Variants in STAT6 observed in about 807,000 individuals in gnomAD.
STAT6 encodes STAT, interleukin4-induced.
STAT6 carries 45 observed loss-of-function variants against 106.3 expected under a neutral mutation model. The ratio of observed to expected loss-of-function variants is 0.42; its 90% CI spans 0.33 to 0.54. STAT6 has a LOEUF of 0.54. Ranked by LOEUF, STAT6 falls within the 20% of genes least tolerant of loss-of-function variation. The probability of loss-of-function intolerance (pLI) is 0.06; values close to 1 mark genes in which losing one functional copy is unlikely to be tolerated. For synonymous variants in STAT6, 413 were observed against 413.6 expected (o/e 1.00, Z 0.02); for missense variants, 797 against 1,062.2 (o/e 0.75, Z 3.47).
At chr12:57,103,056 T>A in intron 11 of STAT6, 135 bp from the exon 12 acceptor site, 1 of 612,868 alleles carries the variant, frequency 1.6e-6, no homozygotes, top group Non-Finnish European at 2.6e-6. Flanking sequence ...AGTGCAGTAG[T>A]GCAATCTCAG....
intron 13 of STAT6, 110 bp downstream of exon 13, chr12:57,102,180 G>A (rs2033971797): frequency 5.0e-6 from 6 of 1,203,526 alleles, no homozygotes; most frequent in Admixed American, 1.9e-5. Flanking sequence ...GACCTGAGGG[G>A]GCACTGTGGA....
At chr12:57,104,202 C>T (rs974328130) in intron 11 of STAT6, 8 of 476,404 alleles carry the variant, frequency 1.7e-5, no homozygotes, top group East Asian at 7.4e-5. Flanking sequence ...TGTGCTGGCA[C>T]GCATGTGCGT....
chr12:57,099,891 G>A lies in STAT6; in HGVS notation c.1620C>T (p.Gly540=). ...TAGTAACGTACTGTTTGCTGATGAA[G>A]CCAATGATCAGCCTGGCCGGGATGA... ...RSYWSDRLII[G]FISKQYVTSL... Residue 540 remains glycine (G), a synonymous_variant, in exon 15 of 22, where the codon GGC becomes GGT. Transcript: ENST00000300134. This position sits in a 1 kb window ranked among gnomAD's most constrained non-coding sequence, Gnocchi z 4.7. 1 of 1,614,250 alleles carries A rather than the reference G, an allele frequency of 6.2e-7. No individual in the cohort carries two copies. The highest frequency in any genetic ancestry group is 8.5e-7 in the Non-Finnish European group (1 of 1,180,038).
rs755947187 is a variant in STAT6, at chr12:57,099,362, T to A, written c.1823A>T (p.Asp608Val). Residue 608 changes from aspartate to valine, a missense_variant, in exon 16 of 22, where the codon GAT becomes GTT. By Grantham distance (152) the Asp-to-Val change is radical. Coordinates refer to ENST00000300134, the MANE Select transcript of STAT6 (RefSeq NM_003153.5). This position sits in a 1 kb window ranked among gnomAD's most constrained non-coding sequence, Gnocchi z 4.7. The part of the protein sequence containing the change: ...SIRSLGDRIR[D>V]LAQLKNLYPK... ...ATAGAGATTTTTGAGCTGAGCAAGA[T>A]CCCGGATTCGGTCCCCCAGTGAGCG... 1 of 1,614,136 alleles carries A rather than the reference T, an allele frequency of 6.2e-7. No homozygotes were observed. Among genetic ancestry groups the A allele is most frequent in the Non-Finnish European group, 8.5e-7 (1 of 1,180,024 alleles).
At position 57,105,350 on chromosome 12, in the gene STAT6, G is replaced by A; in HGVS notation, c.813-11C>T. The A allele has an allele frequency of 1.9e-6, 3 of 1,613,642 alleles. No individual in the cohort carries two copies. Among genetic ancestry groups the A allele is most frequent in the South Asian group, 1.1e-5 (1 of 91,060 alleles). ...TCCACCAGGAAGCAACTGGGAGTGA[G>A]GAGGACACAAGGGGAGTTGGGGGCT... is the stretch of plus-strand genomic sequence containing the variant. On this transcript the variant is annotated splice_polypyrimidine_tract_variant and intron_variant, in intron 8 of 21. Transcript: ENST00000300134.
At position 57,106,935 on chromosome 12, in the gene STAT6, C is replaced by A. The variant is rs2034318985; in HGVS notation, c.340-104G>T. 2.6e-6 allele frequency: 4 copies of A among 1,531,688 alleles called. No individual in the cohort carries two copies. In the African/African-American group the frequency reaches 5.5e-5, roughly 21 times the overall value. The allele number at this position is 1,531,688 out of a possible 1,614,324, so 94.9% of individuals were successfully genotyped here. On this transcript the variant is annotated intron_variant, in intron 4 of 21. Coordinates refer to ENST00000300134, the MANE Select transcript of STAT6 (RefSeq NM_003153.5). Reference sequence around the variant, plus strand: ...AGATAGCGTTTTCTTGTTCCCCTCTCCCCTTTGGCAGTTCTTCCTGACCTT... The same window carrying A: ...AGATAGCGTTTTCTTGTTCCCCTCTACCCTTTGGCAGTTCTTCCTGACCTT...
Position 57,102,478 on chromosome 12 carries a change from C to T in STAT6, c.1324G>A (p.Val442Met). ...TTCTCCCAGGGCACCCGCTCAGCCA[C>T]CACAAAGGGCACGCGGTCCTGGGGA... ...FSEMDRVPFV[V>M]AERVPWEKMC... The change falls in exon 13 of 22, where the codon GTG becomes ATG. Residue 442 changes from valine to methionine, a missense_variant. Transcript: ENST00000300134. 1 of 1,613,754 alleles carries T rather than the reference C, an allele frequency of 6.2e-7. No individual in the cohort carries two copies. Among genetic ancestry groups the T allele is most frequent in the Non-Finnish European group, 8.5e-7 (1 of 1,180,014 alleles).
rs955918836 is a variant in STAT6 at position 57,100,796 on chromosome 12, A to G, written c.1513-706T>C. 9 of 417,832 alleles carry G rather than the reference A, an allele frequency of 2.2e-5. No individual in the cohort carries two copies. In the Admixed American group the frequency reaches 2.4e-4, roughly 11 times the overall value. 25.9% of individuals were successfully genotyped at this position (417,832 alleles called of 1,614,324 possible). A position where few individuals can be genotyped will look rare whatever the true frequency, so the allele number is the denominator to read the frequency against. On this transcript the variant is annotated intron_variant, in intron 13 of 21. Transcript: ENST00000300134. Reference sequence around the variant, plus strand: ...AAATAACATAATATAACATAAAATAAAAGAGCAAGAGTCAGAAATATGTGG... The same window carrying G: ...AAATAACATAATATAACATAAAATAGAAGAGCAAGAGTCAGAAATATGTGG...
At position 57,104,719 on chromosome 12, in the gene STAT6, C is replaced by T. The variant is rs761853218; in HGVS notation, c.1089+7G>A. On this transcript the variant is annotated splice_region_variant and intron_variant, in intron 10 of 21. Transcript: ENST00000300134. ...TGCCCCCCTCACTGCACCCCAAAGC[C>T]CCTCACCAGGTTCTTGAACAGGGCA... 6.2e-7 allele frequency: 1 copy of T among 1,614,102 alleles called. No homozygotes were observed. The highest frequency in any genetic ancestry group is 8.5e-7 in the Non-Finnish European group (1 of 1,180,002).
At position 57,099,158 on chromosome 12, in the gene STAT6, A is replaced by C; in HGVS notation, c.1892-80T>G. 2 of 1,600,238 alleles carry C rather than the reference A, an allele frequency of 1.2e-6. No homozygotes were observed. The highest frequency in any genetic ancestry group is 1.7e-6 in the Non-Finnish European group (2 of 1,168,818). On this transcript the variant is annotated intron_variant, in intron 16 of 21. Transcript: ENST00000300134. The surrounding 1 kb of genome is among the most constrained non-coding windows in gnomAD (Gnocchi z 4.7). Reference sequence around the variant, plus strand: ...GAGGTGGAAAAGGTGGGCATGGATCATGGGGAAGTAAGAGAAGCACAGCTA... The same window carrying C: ...GAGGTGGAAAAGGTGGGCATGGATCCTGGGGAAGTAAGAGAAGCACAGCTA...
chr12:57,106,405 GCT>G (rs1445372997), intron 6 of STAT6, 66 bp from the exon 7 acceptor site: 2 of 1,608,148 alleles, frequency 1.2e-6, no homozygotes, highest in African/African-American at 2.7e-5. Flanking sequence ...CTGGGATACG[GCT>G]CTTTTTCTCA....
At chr12:57,098,952 C>T in intron 17 of STAT6, 50 bp from the exon 18 acceptor site, 1 of 1,613,204 alleles carries the variant, frequency 6.2e-7, no homozygotes, top group South Asian at 1.1e-5. Flanking sequence ...TGATGCCACC[C>T]CTCCTTCCTG....
chr12:57,103,170 T>C (rs1339097932), intron 11 of STAT6: 4 of 314,402 alleles, frequency 1.3e-5, no homozygotes, highest in Non-Finnish European at 2.3e-5. Context: ...TAATTATTTA[T>C]TTATTTATTT....
chr12:57,106,863 A>G, intron 4 of STAT6, 32 bp from the exon 5 acceptor site: 1 of 1,611,508 alleles, frequency 6.2e-7, no homozygotes, highest in Non-Finnish European at 8.5e-7. Flanking sequence ...CAAGAAGTGA[A>G]ACACTCTGCT....
chr12:57,108,811 G>A (rs545974421), intron 1 of STAT6, among the ~76,000 whole-genome samples: 1 of 152,136 alleles, frequency 6.6e-6, no homozygotes, highest in Admixed American at 6.5e-5. Flanking sequence ...CCTGAAACTC[G>A]ACTGCTTCTA....
chr12:57,101,261 G>T (rs2033911244), intron 13 of STAT6, among the ~76,000 whole-genome samples: 1 of 151,612 alleles, frequency 6.6e-6, no homozygotes, highest in South Asian at 2.1e-4. Context: ...GGTAATTTTT[G>T]TATTTTTAGT....
chr12:57,104,837 A>T, intron 9 of STAT6, 24 bp from the exon 10 acceptor site: 2 of 1,613,646 alleles, frequency 1.2e-6, no homozygotes, highest in Non-Finnish European at 1.7e-6. Context: ...TCAGAGTGTG[A>T]ACGAGCTCAT....
At chr12:57,097,156 T>TA (rs1333784485) in intron 19 of STAT6, 23 bp from the exon 20 acceptor site, 2 of 1,500,408 alleles carry the variant, frequency 1.3e-6, no homozygotes, top group Admixed American at 2.3e-5. Context: ...AGAGCACAGT[T>TA]AGAGGAAGGC....
At position 57,099,170 on chromosome 12, in the gene STAT6, G is replaced by C. The variant is rs971178920; in HGVS notation, c.1892-92C>G. 5 of 1,596,948 alleles carry C rather than the reference G, an allele frequency of 3.1e-6. No individual in the cohort carries two copies. The highest frequency in any genetic ancestry group is 4.3e-6 in the Non-Finnish European group (5 of 1,166,150). On this transcript the variant is annotated intron_variant, in intron 16 of 21. Coordinates refer to ENST00000300134, the MANE Select transcript of STAT6 (RefSeq NM_003153.5). This position sits in a 1 kb window ranked among gnomAD's most constrained non-coding sequence, Gnocchi z 4.7. ...GTGGGCATGGATCATGGGGAAGTAA[G>C]AGAAGCACAGCTATGAAATAGGGAG... is the stretch of plus-strand genomic sequence containing the variant.
Sources: allele counts gnomAD v4.1 joint callset (sites outside exome capture counted in the v4.1 genomes callset), GRCh38; gene constraint gnomAD v4.1.1; non-coding constraint Gnocchi (gnomAD v3.1); transcripts MANE v1.5; gene names NCBI Gene and HGNC (gene_info 2026-07-23, HGNC 2026-07-21).